The following FLT4 variants were observed in gnomAD, a reference collection of about 807,000 sequenced individuals.
FLT4 encodes the protein fms related receptor tyrosine kinase 4, also known as vascular endothelial growth factor receptor 3.
In FLT4, 30 loss-of-function variants were observed where a neutral mutation model predicts 163.2. That is an observed-to-expected ratio of 0.18 (90% confidence interval 0.14 to 0.25). FLT4 has a LOEUF of 0.25. Ranked by LOEUF, FLT4 falls within the 10% of genes least tolerant of loss-of-function variation. The pLI is 1.00. For missense variants in FLT4, 1,510 were observed against 1,863.8 expected (o/e 0.81, Z 3.50); for synonymous variants, 884 against 789.5 (o/e 1.12, Z -2.01).
At chr5:180,605,493 T>C (rs1356051124) in intron 29 of FLT4, among the ~76,000 whole-genome samples, 1 of 152,206 alleles carries the variant, frequency 6.6e-6, no homozygotes, top group Admixed American at 6.5e-5. Context: ...CTTATTCCTA[T>C]AACTTTGTAT....
intron 12 of FLT4, among the ~76,000 whole-genome samples, 175 bp downstream of exon 12, chr5:180,622,556 G>A (rs1472907774): frequency 1.3e-5 from 2 of 152,152 alleles, no homozygotes; most frequent in Non-Finnish European, 2.9e-5. Flanking sequence ...CCATCCCAGT[G>A]CGCCAGCACC....
intron 29 of FLT4, 51 bp downstream of exon 29, chr5:180,608,917 G>A (rs774612068): frequency 6.8e-7 from 1 of 1,478,844 alleles, no homozygotes; most frequent in Non-Finnish European, 9.5e-7. Flanking sequence ...CCCTCCTCCA[G>A]GGGAGGGCAA....
chr5:180,650,169 C>CAAAAA (rs397719371), upstream of FLT4, among the ~76,000 whole-genome samples: 2 of 82,286 alleles, frequency 2.4e-5, no homozygotes, highest in Admixed American at 1.4e-4. Flanking sequence ...GTCTGGGAGC[C>CAAAAA]AAAAAAAAAA....
rs1156982677 is a variant in FLT4, at chr5:180,636,299, A to G, written c.59-4521T>C. 2.0e-5 allele frequency among the ~76,000 whole-genome samples: 3 copies of G among 151,850 alleles called. No individual in the cohort carries two copies. Among genetic ancestry groups the G allele is most frequent in the African/African-American group, 7.3e-5 (3 of 41,300 alleles). On this transcript the variant is annotated intron_variant, in intron 1 of 29. Coordinates refer to ENST00000261937, the MANE Select transcript of FLT4 (RefSeq NM_182925.5). This position sits in a 1 kb window ranked among gnomAD's most constrained non-coding sequence, Gnocchi z 4.3. ...ATCGGCAAACTTTGCTGTAGACCTC[A>G]CTGTCCACTCCGAATGTCCCTTCCT...
At chr5:180,608,004 G>A in intron 29 of FLT4, 2 of 670,978 alleles carry the variant, frequency 3.0e-6, no homozygotes, top group Admixed American at 4.4e-5. Context: ...TTTCCTTGGA[G>A]GAGTCAGGGA....
In FLT4 at chr5:180,620,425, AG is replaced by A. The variant is rs1382301747; in HGVS notation, c.2407-118del. 2 of 1,392,576 alleles carry A rather than the reference AG, an allele frequency of 1.4e-6. No individual in the cohort carries two copies. Among genetic ancestry groups the A allele is most frequent in the Non-Finnish European group, 2.0e-6 (2 of 989,066 alleles). The allele number at this position is 1,392,576 out of a possible 1,614,324, so 86.3% of individuals were successfully genotyped here. A position where few individuals can be genotyped will look rare whatever the true frequency, so the allele number is the denominator to read the frequency against. On this transcript the variant is annotated intron_variant, in intron 16 of 29. Transcript: ENST00000261937. This position sits in a 1 kb window ranked among gnomAD's most constrained non-coding sequence, Gnocchi z 4.4. ...CTTCCTGCGGGGTTCTCAGTCAAGG[AG>A]GGGACAGAAAAAAAGACAGACAACC...
Position 180,630,469 on chromosome 5 carries a change from G to T in FLT4, c.400+86C>A. The T allele has an allele frequency of 6.3e-7, 1 of 1,591,096 alleles. No individual in the cohort carries two copies. The highest frequency in any genetic ancestry group is 8.6e-7 in the Non-Finnish European group (1 of 1,167,806). On this transcript the variant is annotated intron_variant, in intron 3 of 29. Coordinates refer to ENST00000261937, the MANE Select transcript of FLT4 (RefSeq NM_182925.5). This position sits in a 1 kb window ranked among gnomAD's most constrained non-coding sequence, Gnocchi z 6.3. ...AGGTAGGGCCCCGTTCTCTCCTCCTGCCAGCCCAGGGTCCACAGGCTGGGG... is the reference window on the plus strand; with the variant it reads ...AGGTAGGGCCCCGTTCTCTCCTCCTTCCAGCCCAGGGTCCACAGGCTGGGG...
intron 1 of FLT4, among the ~76,000 whole-genome samples, chr5:180,641,594 C>T (rs1302620517): frequency 1.4e-5 from 2 of 142,038 alleles, no homozygotes; most frequent in South Asian, 2.3e-4. Context: ...GGGTCACCTG[C>T]ACCCTCTCTT....
chr5:180,625,841 G>T, intron 10 of FLT4, 28 bp downstream of exon 10: 1 of 1,522,146 alleles, frequency 6.6e-7, no homozygotes, highest in South Asian at 1.2e-5. Context: ...TGGCTGTGCA[G>T]GGGACCTGAG....
At chr5:180,633,463 C>T (rs1310469441) in intron 1 of FLT4, among the ~76,000 whole-genome samples, 3 of 43,616 alleles carry the variant, frequency 6.9e-5, no homozygotes, top group Admixed American at 3.6e-4. Flanking sequence ...GCTCTGCAGC[C>T]CCTTCCCCTT....
intron 1 of FLT4, among the ~76,000 whole-genome samples, chr5:180,642,169 T>C (rs1405866637): frequency 2.7e-5 from 4 of 148,828 alleles, no homozygotes; most frequent in South Asian, 4.3e-4. Context: ...ATCGCGCCAC[T>C]GCACTCCAGC....
intron 1 of FLT4, among the ~76,000 whole-genome samples, chr5:180,639,374 G>A (rs1427740444): frequency 1.1e-5 from 1 of 89,326 alleles, no homozygotes; most frequent in Non-Finnish European, 2.5e-5. Flanking sequence ...TAGATGAGTG[G>A]ATGGGTGGAT....
chr5:180,613,705 T>G (rs1421010685), intron 24 of FLT4: 4 of 389,294 alleles, frequency 1.0e-5, no homozygotes, highest in Non-Finnish European at 2.0e-5. Context: ...GCCTGGAGAC[T>G]TCATCATGCT....
chr5:180,603,198 G>A lies in FLT4; in HGVS notation c.4086C>T (p.Ser1362=). 6.2e-7 allele frequency: 1 copy of A among 1,613,882 alleles called. No homozygotes were observed. The highest frequency in any genetic ancestry group is 8.5e-7 in the Non-Finnish European group (1 of 1,180,010). ...GGGTCTTGTCCGATGCTGCTTAGTA[G>A]CTGTTGTCTGTGAAGAAAGTCACGC... ...SARVTFFTDN[S]Y The change falls in exon 30 of 30, where the codon AGC becomes AGT. Residue 1362 remains serine (S), a synonymous_variant. Coordinates refer to ENST00000261937, the MANE Select transcript of FLT4 (RefSeq NM_182925.5).
At position 180,626,242 on chromosome 5, in the gene FLT4, G is replaced by A. The variant is rs867766953; in HGVS notation, c.1127C>T (p.Ser376Phe). ...FQWYKDGKAL[S>F]GRHSPHALVL... ...CAGGGCATGTGGACTGTGGCGCCCGGACAGTGCCTTTCCATCCTTGTACCT... is the reference window on the plus strand; with the variant it reads ...CAGGGCATGTGGACTGTGGCGCCCGAACAGTGCCTTTCCATCCTTGTACCT... Residue 376 changes from serine to phenylalanine, a missense_variant, in exon 9 of 30, where the codon TCC becomes TTC. Ser to Phe is a radical substitution (Grantham distance 155). This residue lies in a region of FLT4 where 878 missense variants were observed against 1,016.7 expected (regional missense o/e 0.86). Coordinates refer to ENST00000261937, the MANE Select transcript of FLT4 (RefSeq NM_182925.5). 6.2e-7 allele frequency: 1 copy of A among 1,612,668 alleles called. No individual in the cohort carries two copies. The highest frequency in any genetic ancestry group is 8.5e-7 in the Non-Finnish European group (1 of 1,179,990).
chr5:180,637,256 G>T (rs979786184), intron 1 of FLT4, among the ~76,000 whole-genome samples: 4 of 151,714 alleles, frequency 2.6e-5, no homozygotes, highest in African/African-American at 9.7e-5. Context: ...CTTGAACCTG[G>T]GAGGCAGAGG....
intron 8 of FLT4, among the ~76,000 whole-genome samples, chr5:180,626,691 G>A (rs1481222433): frequency 2.0e-5 from 3 of 152,192 alleles, no homozygotes; most frequent in Admixed American, 6.5e-5. Flanking sequence ...AGCTGGGCAC[G>A]GCCTGGAGAC....
intron 10 of FLT4, among the ~76,000 whole-genome samples, chr5:180,624,632 T>C (rs1763459333): frequency 6.6e-6 from 1 of 152,224 alleles, no homozygotes; most frequent in Non-Finnish European, 1.5e-5. Context: ...CTCAGGCACA[T>C]GTGCACTCTG....
chr5:180,623,044 G>T lies in FLT4; in HGVS notation c.1549-205C>A, dbSNP rs1400986633. Among the ~76,000 whole-genome samples, 1 of 152,138 alleles carries T rather than the reference G, an allele frequency of 6.6e-6. No individual in the cohort carries two copies. Among genetic ancestry groups the T allele is most frequent in the Non-Finnish European group, 1.5e-5 (1 of 68,024 alleles). On this transcript the variant is annotated intron_variant, in intron 11 of 29. Coordinates refer to ENST00000261937, the MANE Select transcript of FLT4 (RefSeq NM_182925.5). This position sits in a 1 kb window ranked among gnomAD's most constrained non-coding sequence, Gnocchi z 5.8. ...CCCTGGGCAGCAGAGAGAGGTAGCT[G>T]CCCAGAAAAGTCAAGGGACAGTGTA...
Sources: allele counts gnomAD v4.1 joint callset (sites outside exome capture counted in the v4.1 genomes callset), GRCh38; gene constraint gnomAD v4.1.1; regional missense constraint gnomAD v4.1.1; non-coding constraint Gnocchi (gnomAD v3.1); transcripts MANE v1.5; gene names NCBI Gene and HGNC (gene_info 2026-07-23, HGNC 2026-07-21).